Variants in PFKFB4 observed in about 807,000 individuals in gnomAD.
PFKFB4 encodes 6-phosphofructo-2-kinase/fructose-2,6-bisphosphatase 4.
Under a neutral mutation model 62.8 loss-of-function variants are expected in PFKFB4, and 42 were observed. The ratio of observed to expected loss-of-function variants is 0.67; its 90% confidence interval spans 0.52 to 0.86. The LOEUF (loss-of-function observed/expected upper bound fraction) is 0.86, where lower values mean the gene tolerates loss of function less well. PFKFB4 is among the 40% of genes least tolerant of loss of function. The pLI, the probability that PFKFB4 is intolerant of heterozygous loss-of-function variation, is 0.00. For missense variants in PFKFB4, 475 were observed against 627.2 expected, an observed-to-expected ratio of 0.76 and a Z score of 2.59; for synonymous variants, 204 against 240.7, an observed-to-expected ratio of 0.85 and a Z score of 1.41.
rs896709589 is a variant in PFKFB4, at chr3:48,521,541, G to C, written c.1350+445C>G. ...TTTTAAAGGTGCTGGGGTTAGGAAA[G>C]GGGCTCATGAGGCCTCGGCTGCAGG... On this transcript the variant is annotated intron_variant, in intron 13 of 13. Transcript: ENST00000232375. The surrounding 1 kb of genome is among the most constrained non-coding windows in gnomAD (Gnocchi z 5.3). 6.6e-6 allele frequency among the ~76,000 whole-genome samples: 1 copy of C among 152,214 alleles called. No homozygotes were observed. Among genetic ancestry groups the C allele is most frequent in the Non-Finnish European group, 1.5e-5 (1 of 68,032 alleles).
chr3:48,557,220 C>A (rs890698474), upstream of PFKFB4, among the ~76,000 whole-genome samples: 3 of 152,218 alleles, frequency 2.0e-5, no homozygotes, highest in Non-Finnish European at 4.4e-5. Flanking sequence ...ATTCTGCTAC[C>A]TCCTTGCTAG....
intron 1 of PFKFB4, among the ~76,000 whole-genome samples, chr3:48,550,502 A>G (rs1336418754): frequency 6.6e-6 from 1 of 152,154 alleles, no homozygotes; most frequent in Non-Finnish European, 1.5e-5. Context: ...GTGCACCACC[A>G]GGCATAAAGT....
At chr3:48,522,315 C>G (rs1243358863) in intron 12 of PFKFB4, among the ~76,000 whole-genome samples, 1 of 152,168 alleles carries the variant, frequency 6.6e-6, no homozygotes, top group Admixed American at 6.5e-5. Context: ...CGAGAGGGAT[C>G]GGGGGAACAG....
At chr3:48,550,596 A>C (rs991263139) in intron 1 of PFKFB4, among the ~76,000 whole-genome samples, 4 of 152,116 alleles carry the variant, frequency 2.6e-5, no homozygotes, top group African/African-American at 9.7e-5. Flanking sequence ...AGGGTAATCA[A>C]CACCCTGCCT....
intron 5 of PFKFB4, 79 bp downstream of exon 5, chr3:48,539,617 TA>T: frequency 8.5e-7 from 1 of 1,175,922 alleles, no homozygotes. Flanking sequence ...CCCTCATGCA[TA>T]AGCAGGCGGT....
rs1319948975 is a variant in PFKFB4 at position 48,535,673 on chromosome 3, A to G, written c.841-15T>C. The G allele has an allele frequency of 6.2e-7, 1 of 1,614,012 alleles. No homozygotes were observed. Among genetic ancestry groups the G allele is most frequent in the Admixed American group, 1.7e-5 (1 of 60,004 alleles). On this transcript the variant is annotated splice_polypyrimidine_tract_variant and intron_variant, in intron 8 of 13. Transcript: ENST00000232375. Reference sequence around the variant, plus strand: ...CTCTTGGCAAACTGAAATACATCATAAGCAAACTCAGACCCACAGGTCTTG... The same window carrying G: ...CTCTTGGCAAACTGAAATACATCATGAGCAAACTCAGACCCACAGGTCTTG...
upstream of PFKFB4, chr3:48,559,489 G>A (rs1201671947): frequency 4.4e-6 from 2 of 456,814 alleles, no homozygotes; most frequent in South Asian, 3.1e-5. Flanking sequence ...CAGTGGAATC[G>A]CACAGTCCAC....
chr3:48,531,252 G>A (rs1161958041), intron 9 of PFKFB4, among the ~76,000 whole-genome samples: 1 of 151,210 alleles, frequency 6.6e-6, no homozygotes, highest in Admixed American at 6.6e-5. Flanking sequence ...TGTAATACCA[G>A]CAATTTGGGA....
chr3:48,528,091 T>C (rs780860258), intron 9 of PFKFB4, among the ~76,000 whole-genome samples: 18 of 152,062 alleles, frequency 1.2e-4, no homozygotes, highest in Non-Finnish European at 1.9e-4. Flanking sequence ...GGAAATGAGG[T>C]ACCTTTTCCT....
Position 48,519,456 on chromosome 3 carries a change from C to G in PFKFB4, c.*291G>C. 2.3e-6 allele frequency: 1 copy of G among 443,882 alleles called. No homozygotes were observed. The highest frequency in any genetic ancestry group is 4.1e-6 in the Non-Finnish European group (1 of 243,406). 27.5% of individuals were successfully genotyped at this position (443,882 alleles called of 1,614,324 possible). A position where few individuals can be genotyped will look rare whatever the true frequency, so the allele number is the denominator to read the frequency against. On this transcript the variant is annotated 3_prime_UTR_variant, in exon 14 of 14. Transcript: ENST00000232375. ...CAACTGAGCTGGCGAGAGTGAACAC[C>G]TAAGAGCTGCGCCGGAAGAAACTGG...
chr3:48,560,546 A>G (rs945655565), upstream of PFKFB4, among the ~76,000 whole-genome samples: 4 of 152,356 alleles, frequency 2.6e-5, no homozygotes, highest in Non-Finnish European at 5.9e-5. Flanking sequence ...CAGGACCAGC[A>G]AGGGCACACA....
chr3:48,557,005 G>A (rs1400157222), upstream of PFKFB4: 4 of 1,349,740 alleles, frequency 3.0e-6, no homozygotes, highest in Admixed American at 3.6e-5. Context: ...TTTGGAACAA[G>A]TGGGCCCAGT....
At chr3:48,539,019 GTGCTC>G (rs1440923928) in intron 6 of PFKFB4, among the ~76,000 whole-genome samples, 16 of 152,046 alleles carry the variant, frequency 1.1e-4, no homozygotes, top group African/African-American at 3.9e-4. Flanking sequence ...CCTGCTGAAG[GTGCTC>G]TCCTAGTGTC....
At chr3:48,560,885 G>A (rs1425995570), upstream of PFKFB4, among the ~76,000 whole-genome samples, 3 of 149,820 alleles carry the variant, frequency 2.0e-5, no homozygotes, top group Non-Finnish European at 4.4e-5. Context: ...CTCCCTTGCA[G>A]GGCGACAGTT....
In PFKFB4 at chr3:48,556,740, T is replaced by C; in HGVS notation, c.38A>G (p.Lys13Arg). 2 of 1,606,898 alleles carry C rather than the reference T, an allele frequency of 1.2e-6. No homozygotes were observed. The highest frequency in any genetic ancestry group is 8.5e-7 in the Non-Finnish European group (1 of 1,176,774). ...SPRELTQNPL[K>R]KIWMPYSNGR... ...ATTGCTGTATGGCATCCAGATCTTC[T>C]TCAGGGGGTTCTGTGTCAATTCCCG... The change falls in exon 1 of 14, where the codon AAG becomes AGG. Residue 13 changes from lysine to arginine, a missense_variant. Coordinates refer to ENST00000232375, the MANE Select transcript of PFKFB4 (RefSeq NM_004567.4). This position sits in a 1 kb window ranked among gnomAD's most constrained non-coding sequence, Gnocchi z 5.7.
chr3:48,549,625 T>A (rs1022321044), intron 3 of PFKFB4, among the ~76,000 whole-genome samples: 1 of 151,688 alleles, frequency 6.6e-6, no homozygotes, highest in Admixed American at 6.6e-5. Context: ...TCTCCTCTCA[T>A]CCCCAAACCC....
At chr3:48,547,859 T>G (rs2043012602) in intron 3 of PFKFB4, 1 of 152,230 alleles carries the variant, frequency 6.6e-6, no homozygotes, top group South Asian at 2.1e-4. Context: ...CTCTGGGAAA[T>G]GCAGCTGTCT....
chr3:48,526,423 A>C (rs145538565), intron 9 of PFKFB4, among the ~76,000 whole-genome samples: 1 of 151,126 alleles, frequency 6.6e-6, no homozygotes, highest in African/African-American at 2.4e-5. Flanking sequence ...AAATACAAAA[A>C]TTAGTTGGGC....
At chr3:48,561,084 A>G (rs924656947), upstream of PFKFB4, 7 of 1,283,278 alleles carry the variant, frequency 5.5e-6, no homozygotes, top group African/African-American at 1.1e-4. This position sits in a 1 kb window ranked among gnomAD's most constrained non-coding sequence, Gnocchi z 5.2. Flanking sequence ...CAGGTCGGTC[A>G]GGGAGCTGCC....
Sources: gnomAD v4.1 joint callset for allele counts (sites outside exome capture counted in the v4.1 genomes callset) on GRCh38, gnomAD v4.1.1 for gene constraint, Gnocchi (gnomAD v3.1) non-coding constraint, MANE v1.5 for transcripts, NCBI Gene and HGNC (gene_info 2026-07-23, HGNC 2026-07-21) for gene names.